The following PRKCA variants were observed in gnomAD, a reference collection of about 807,000 sequenced individuals.
PRKCA encodes protein kinase C alpha type.
In PRKCA, 27 loss-of-function variants were observed where a neutral mutation model predicts 87.0. The ratio of observed to expected loss-of-function variants is 0.31; its 90% CI spans 0.23 to 0.43. PRKCA has a LOEUF of 0.43. PRKCA is among the 20% of genes least tolerant of loss of function. The probability of loss-of-function intolerance (pLI) is 1.00; values close to 1 mark genes in which losing one functional copy is unlikely to be tolerated. For missense variants in PRKCA, 518 were observed against 852.3 expected (o/e 0.61, Z 4.88); for synonymous variants, 329 against 311.1 (o/e 1.06, Z -0.61).
chr17:66,645,374 G>C lies in PRKCA; in HGVS notation c.401-9G>C, dbSNP rs781518064. On this transcript the variant is annotated splice_polypyrimidine_tract_variant and intron_variant, in intron 4 of 16. Transcript: ENST00000413366. ...TGCCCAGCTCACCCTCTCCTTTCTT[G>C]ATTCACAGCCTGCGATATGAACGTT... 4 of 1,614,082 alleles carry C rather than the reference G, an allele frequency of 2.5e-6. No homozygotes were observed. The South Asian group carries it at 4.4e-5, about 18-fold the overall frequency.
chr17:66,596,587 T>A (rs1301736937), intron 3 of PRKCA, among the ~76,000 whole-genome samples: 2 of 149,150 alleles, frequency 1.3e-5, no homozygotes, highest in Admixed American at 1.3e-4. Flanking sequence ...TTTTTTTTTT[T>A]TTTTTATTAT....
intron 2 of PRKCA, among the ~76,000 whole-genome samples, chr17:66,469,722 A>G (rs1390151468): frequency 6.6e-6 from 1 of 152,222 alleles, no homozygotes; most frequent in African/African-American, 2.4e-5. Flanking sequence ...GTCTGCAAAT[A>G]CTTAAGCTTT....
At chr17:66,461,186 A>G (rs1914835058) in intron 2 of PRKCA, among the ~76,000 whole-genome samples, 1 of 150,378 alleles carries the variant, frequency 6.6e-6, no homozygotes, top group Admixed American at 6.7e-5. Flanking sequence ...AGGCTGGGTG[A>G]AAAAATGAGA....
At chr17:66,799,465 G>A (rs1975820102) in intron 16 of PRKCA, among the ~76,000 whole-genome samples, 1 of 133,116 alleles carries the variant, frequency 7.5e-6, no homozygotes, top group East Asian at 2.3e-4. Flanking sequence ...TGGTGGTGGT[G>A]GTGATGGTGG....
At chr17:66,647,963 G>A (rs1191364623) in intron 5 of PRKCA, among the ~76,000 whole-genome samples, 1 of 152,118 alleles carries the variant, frequency 6.6e-6, no homozygotes, top group African/African-American at 2.4e-5. Flanking sequence ...CATTCAGGCT[G>A]CTATCACAAA....
chr17:66,565,280 C>G (rs8066108), intron 3 of PRKCA, among the ~76,000 whole-genome samples: 33,465 of 152,090 alleles, frequency 0.22, 3,846 homozygotes, highest in South Asian at 0.34. Flanking sequence ...ATTCTTGTCT[C>G]CAGCCCAGCT....
At chr17:66,578,135 T>TAAAACAAAAC (rs896840161) in intron 3 of PRKCA, among the ~76,000 whole-genome samples, 1 of 140,408 alleles carries the variant, frequency 7.1e-6, no homozygotes, top group East Asian at 2.1e-4. Flanking sequence ...AGACTGAATT[T>TAAAACAAAAC]AAAACAAAAC....
chr17:66,513,849 G>A (rs77837555), intron 3 of PRKCA, among the ~76,000 whole-genome samples: 1,990 of 152,288 alleles, frequency 0.013, 49 homozygotes, highest in African/African-American at 0.046. Context: ...ACAGGAAGTA[G>A]AAGGGAACCT....
At chr17:66,370,549 C>CTTTTTTTTTTTTT (rs555797425) in intron 2 of PRKCA, among the ~76,000 whole-genome samples, 2 of 113,670 alleles carry the variant, frequency 1.8e-5, no homozygotes, top group African/African-American at 3.5e-5. Flanking sequence ...CTTTTCTTTT[C>CTTTTTTTTTTTTT]TTTTTTTTTT....
intron 2 of PRKCA, among the ~76,000 whole-genome samples, chr17:66,492,392 CA>C (rs1471440688): frequency 1.3e-5 from 2 of 152,172 alleles, no homozygotes; most frequent in African/African-American, 4.8e-5. Flanking sequence ...TACATAATTG[CA>C]TTGACCTGCA....
intron 2 of PRKCA, among the ~76,000 whole-genome samples, chr17:66,478,735 A>G (rs1915642282): frequency 7.4e-6 from 1 of 134,446 alleles, no homozygotes; most frequent in Admixed American, 7.8e-5. Flanking sequence ...AATTTTCCCA[A>G]ACACTGCCCT....
chr17:66,467,791 C>T (rs1915148814), intron 2 of PRKCA, among the ~76,000 whole-genome samples: 1 of 152,018 alleles, frequency 6.6e-6, no homozygotes, highest in Non-Finnish European at 1.5e-5. Context: ...CTTCTGGGCT[C>T]AAGCGATCCC....
rs1296783826 is a variant in PRKCA, at chr17:66,806,444, G to A, written c.*2407G>A. The stretch of plus-strand genomic sequence containing the variant: ...CCTGTCCCTGCAGCCCTGCAGGTCA[G>A]TGCATGATCTGGGTTCGTGTCCTGA... On this transcript the variant is annotated 3_prime_UTR_variant, in exon 17 of 17. Coordinates refer to ENST00000413366, the MANE Select transcript of PRKCA (RefSeq NM_002737.3). 6.6e-6 allele frequency: 1 copy of A among 152,326 alleles called. No individual in the cohort carries two copies. Among genetic ancestry groups the A allele is most frequent in the Non-Finnish European group, 1.5e-5 (1 of 68,160 alleles). The allele number at this position is 152,326 out of a possible 1,614,324, so 9.4% of individuals were successfully genotyped here. A position where few individuals can be genotyped will look rare whatever the true frequency, so the allele number is the denominator to read the frequency against.
intron 2 of PRKCA, among the ~76,000 whole-genome samples, chr17:66,491,921 C>T (rs935514841): frequency 5.9e-5 from 9 of 152,336 alleles, no homozygotes; most frequent in East Asian, 1.9e-4. Context: ...CAGCCAGCGT[C>T]GGCCAACCTC....
chr17:66,344,115 A>G (rs57525568), intron 2 of PRKCA, among the ~76,000 whole-genome samples: 20,705 of 152,222 alleles, frequency 0.14, 1,910 homozygotes, highest in East Asian at 0.36. Context: ...TGACCATTCA[A>G]TAAATAATTG....
intron 15 of PRKCA, 108 bp from the exon 16 acceptor site, chr17:66,788,731 C>T: frequency 1.5e-6 from 2 of 1,324,288 alleles, no homozygotes; most frequent in Non-Finnish European, 2.1e-6. Context: ...AGATGCTGTC[C>T]AGGCGTCCAC....
rs1568040944 is a variant in PRKCA, at chr17:66,798,462, TGGTGGTGGTGGTGGTGGTGGTGGTGAC to T, written c.1855-5391_1855-5365del. On this transcript the variant is annotated intron_variant, in intron 16 of 16. Coordinates refer to ENST00000413366, the MANE Select transcript of PRKCA (RefSeq NM_002737.3). The stretch of plus-strand genomic sequence containing the variant: ...GTGGTGGTGGTGGTGACGGTGGTGG[TGGTGGTGGTGGTGGTGGTGGTGGTGAC>T]GGTGGTGGTGGTGGTGGTGACGGTG... 2.6e-5 allele frequency among the ~76,000 whole-genome samples: 2 copies of T among 77,666 alleles called. 1 individual carries two copies. The allele number at this position is 77,666 out of a possible 152,430, so 51.0% of individuals were successfully genotyped here. A position where few individuals can be genotyped will look rare whatever the true frequency, so the allele number is the denominator to read the frequency against.
At chr17:66,395,254 G>A (rs75702573) in intron 2 of PRKCA, among the ~76,000 whole-genome samples, 2 of 152,292 alleles carry the variant, frequency 1.3e-5, no homozygotes, top group East Asian at 3.9e-4. Context: ...GCTTAGAACA[G>A]CAGAGTGGAA....
chr17:66,768,725 A>T (rs1974865365), intron 13 of PRKCA, among the ~76,000 whole-genome samples: 1 of 152,230 alleles, frequency 6.6e-6, no homozygotes, highest in African/African-American at 2.4e-5. Flanking sequence ...ACTCACTATC[A>T]TGGAGAACAG....
Sources: gnomAD v4.1 joint callset for allele counts (sites outside exome capture counted in the v4.1 genomes callset) on GRCh38, gnomAD v4.1.1 for gene constraint, MANE v1.5 for transcripts, NCBI Gene and HGNC (gene_info 2026-07-23, HGNC 2026-07-21) for gene names.